DST: variants seen among roughly 807,000 people sequenced by gnomAD.
DST encodes the protein dystonin, also known as bullous pemphigoid antigen.
In DST, 253 loss-of-function variants were observed where a neutral mutation model predicts 875.2. The observed-to-expected ratio is 0.29, with a 90% CI of 0.26 to 0.32. The LOEUF (loss-of-function observed/expected upper bound fraction) is 0.32. Ranked by LOEUF, DST falls within the 10% of genes least tolerant of loss-of-function variation. The probability of loss-of-function intolerance (pLI) is 1.00; values close to 1 mark genes in which losing one functional copy is unlikely to be tolerated. For missense variants in DST, 8,287 were observed against 9,111.6 expected, an observed-to-expected ratio of 0.91 and a Z score of 3.68; for synonymous variants, 3,124 against 3,197.1, an observed-to-expected ratio of 0.98 and a Z score of 0.77.
At position 56,605,310 on chromosome 6, in the gene DST, T is replaced by A. The variant is rs1250720556; in HGVS notation, c.9318A>T (p.Lys3106Asn). The change falls in exon 40 of 104, where the codon AAA becomes AAT. Residue 3106 changes from lysine to asparagine, a missense_variant. By Grantham distance (94) the Lys-to-Asn change is moderately conservative. Coordinates refer to ENST00000680361, the MANE Select transcript of DST (RefSeq NM_001374736.1). ...TTACAGTTGCTTTTTTAAGGCTTCC[T>A]TTCTGATTAAGTTCTTCATTGTTTG... ...QITNNEELNQ[K>N]GSLKKATVTL... 1.2e-6 allele frequency: 2 copies of A among 1,612,038 alleles called. No homozygotes were observed. The highest frequency in any genetic ancestry group is 3.3e-5 in the Admixed American group (2 of 59,712).
At chr6:56,636,996 T>A (rs891195460) in intron 22 of DST, among the ~76,000 whole-genome samples, 3 of 152,086 alleles carry the variant, frequency 2.0e-5, no homozygotes, top group African/African-American at 7.2e-5. Context: ...GGCAGGAGAA[T>A]TGCTTGAACC....
chr6:56,745,616 A>C (rs1184040711), intron 4 of DST, among the ~76,000 whole-genome samples: 2 of 152,184 alleles, frequency 1.3e-5, no homozygotes, highest in African/African-American at 4.8e-5. Flanking sequence ...AAAACTATCA[A>C]ATTTGACAAA....
chr6:56,855,546 C>G (rs1204728151), intron 3 of DST, among the ~76,000 whole-genome samples: 2 of 152,202 alleles, frequency 1.3e-5, no homozygotes, highest in African/African-American at 4.8e-5. Flanking sequence ...CCATGCAGTT[C>G]AAAGCCAATC....
chr6:56,538,293 A>G (rs2097054555), intron 61 of DST, among the ~76,000 whole-genome samples: 1 of 152,160 alleles, frequency 6.6e-6, no homozygotes, highest in Non-Finnish European at 1.5e-5. Flanking sequence ...TTCATAGATA[A>G]TATGTTTTTA....
At chr6:56,587,883 G>A (rs1368772219) in intron 49 of DST, among the ~76,000 whole-genome samples, 1 of 151,452 alleles carries the variant, frequency 6.6e-6, no homozygotes, top group Admixed American at 6.6e-5. Context: ...TCACCACCAC[G>A]CCTGCCCTAA....
At position 56,670,304 on chromosome 6, in the gene DST, C is replaced by T. The variant is rs553821352; in HGVS notation, c.1214+337G>A. Among the ~76,000 whole-genome samples, 50 of 152,142 alleles carry T rather than the reference C, an allele frequency of 3.3e-4. 2 individuals are homozygous for T. In the South Asian group the frequency reaches 0.01, roughly 31 times the overall value. ...AGTGCAGTCACATGATCACAGCTCA[C>T]CGCAGCCTTGGCCTCCGGAGTAGCT... On this transcript the variant is annotated intron_variant, in intron 10 of 103. Transcript: ENST00000680361.
At chr6:56,939,940 C>T (rs1046853922) in intron 2 of DST, among the ~76,000 whole-genome samples, 7 of 151,852 alleles carry the variant, frequency 4.6e-5, no homozygotes, top group African/African-American at 1.2e-4. Flanking sequence ...GCAGGAGAAT[C>T]GCTTGAACCA....
In DST at chr6:56,555,745, A is replaced by C. The variant is rs778310096; in HGVS notation, c.14736T>G (p.Ser4912=). 3 of 1,605,224 alleles carry C rather than the reference A, an allele frequency of 1.9e-6. No individual in the cohort carries two copies. The highest frequency in any genetic ancestry group is 8.5e-7 in the Non-Finnish European group (1 of 1,172,888). ...GTTGCTCTTTCACAATCCCACGTAA[A>C]GAAGGGTCTTCTCCAGGCCTGCTCA... is the stretch of plus-strand genomic sequence containing the variant. ...GILSRPGEDP[S]LRGIVKEQLA... is the part of the protein sequence containing the mutation. Residue 4912 remains serine (S), a synonymous_variant, in exon 60 of 104, where the codon TCT becomes TCG. Transcript: ENST00000680361.
At chr6:56,644,708 T>C in intron 15 of DST, among the ~76,000 whole-genome samples, 1 of 152,082 alleles carries the variant, frequency 6.6e-6, no homozygotes, top group Non-Finnish European at 1.5e-5. Flanking sequence ...GAGAAAATAA[T>C]GTTGGAGCTG....
intron 9 of DST, among the ~76,000 whole-genome samples, chr6:56,671,511 T>G (rs1374293482): frequency 1.3e-5 from 2 of 152,230 alleles, no homozygotes; most frequent in African/African-American, 4.8e-5. Context: ...CTCCTGTATT[T>G]TGTTTTCATG....
intron 46 of DST, 135 bp downstream of exon 46, chr6:56,598,341 G>A: frequency 1.7e-6 from 1 of 579,070 alleles, no homozygotes; most frequent in South Asian, 4.9e-5. Flanking sequence ...GGTCAATTAT[G>A]TACCTGGAAA....
intron 10 of DST, among the ~76,000 whole-genome samples, chr6:56,654,649 T>TATAG (rs1225358182): frequency 4.6e-5 from 7 of 150,774 alleles, no homozygotes; most frequent in Non-Finnish European, 1.0e-4. Context: ...GGCATTTATG[T>TATAG]ATAGATAGAT....
At chr6:56,560,100 T>A (rs182858261) in intron 58 of DST, among the ~76,000 whole-genome samples, 194 bp downstream of exon 58, 1 of 152,102 alleles carries the variant, frequency 6.6e-6, no homozygotes, top group African/African-American at 2.4e-5. Context: ...GTGTTTACCA[T>A]AAAAAACATA....
chr6:56,620,427 T>G (rs771601062), intron 36 of DST: 2 of 1,614,094 alleles, frequency 1.2e-6, no homozygotes, highest in African/African-American at 2.7e-5. Context: ...TCTCTCACAA[T>G]GGTTTCAAGT....
chr6:56,592,008 G>GA (rs1005941540), intron 49 of DST, among the ~76,000 whole-genome samples, 174 bp downstream of exon 49: 2 of 146,580 alleles, frequency 1.4e-5, no homozygotes, highest in South Asian at 2.2e-4. Flanking sequence ...AAAAAATTCG[G>GA]AAAAAAAAAG....
chr6:56,599,717 A>C (rs768862561), intron 45 of DST, among the ~76,000 whole-genome samples: 8 of 152,092 alleles, frequency 5.3e-5, no homozygotes, highest in Non-Finnish European at 1.2e-4. Context: ...AAAGAGAAAG[A>C]ACCCAAAGTG....
intron 10 of DST, among the ~76,000 whole-genome samples, chr6:56,662,947 TCAAAA>T (rs772628260): frequency 2.6e-4 from 40 of 151,854 alleles, no homozygotes; most frequent in Non-Finnish European, 5.0e-4. Context: ...AGACTCCATC[TCAAAA>T]CAAAACAAAA....
In DST at chr6:56,606,940, G is replaced by A. The variant is rs1461141748; in HGVS notation, c.7688C>T (p.Pro2563Leu). Residue 2563 changes from proline to leucine, a missense_variant, in exon 40 of 104, where the codon CCA becomes CTA. Around this residue, in one of 10 missense-constraint regions of DST, gnomAD observed 3,138 missense variants for 3,116.6 expected, o/e 1.01. Coordinates refer to ENST00000680361, the MANE Select transcript of DST (RefSeq NM_001374736.1). Reference sequence around the variant, plus strand: ...AATGGCATTATCAGTATCACCCCCTGGAGTCACAGCACAGGAATACTCTTC... The same window carrying A: ...AATGGCATTATCAGTATCACCCCCTAGAGTCACAGCACAGGAATACTCTTC... ...EIEEYSCAVT[P>L]GGDTDNAIVS... 4 of 1,613,232 alleles carry A rather than the reference G, an allele frequency of 2.5e-6. No individual in the cohort carries two copies. The Admixed American group carries it at 6.7e-5, about 27-fold the overall frequency.
intron 43 of DST, chr6:56,602,053 G>A (rs1051334315): frequency 9.8e-6 from 4 of 407,830 alleles, no homozygotes; most frequent in African/African-American, 6.3e-5. Flanking sequence ...CCATGTAATT[G>A]TGGTAAGATA....
Sources: allele counts gnomAD v4.1 joint callset (sites outside exome capture counted in the v4.1 genomes callset), GRCh38; gene constraint gnomAD v4.1.1; regional missense constraint gnomAD v4.1.1; transcripts MANE v1.5; gene names NCBI Gene and HGNC (gene_info 2026-07-23, HGNC 2026-07-21).